PLCL1: variants seen among roughly 807,000 people sequenced by gnomAD.
PLCL1 encodes the protein inactive phospholipase C-like protein 1.
Under a neutral mutation model 84.4 loss-of-function variants are expected in PLCL1, and 41 were observed. The ratio of observed to expected loss-of-function variants is 0.49; its 90% CI spans 0.38 to 0.63. The LOEUF (loss-of-function observed/expected upper bound fraction) is 0.63, where lower values mean the gene tolerates loss of function less well. PLCL1 is among the 30% of genes least tolerant of loss of function. The pLI, the probability that PLCL1 is intolerant of heterozygous loss-of-function variation, is 0.00. For synonymous variants in PLCL1, 490 were observed against 488.3 expected, an observed-to-expected ratio of 1.00 and a Z score of -0.05; for missense variants, 1,206 against 1,367.8, an observed-to-expected ratio of 0.88 and a Z score of 1.87.
chr2:198,001,289 T>A lies in PLCL1; in HGVS notation c.241-82469T>A, dbSNP rs77349013. Among the ~76,000 whole-genome samples the A allele has an allele frequency of 4.8e-3, 727 of 152,252 alleles. 6 individuals carry two copies. The highest frequency in any genetic ancestry group is 0.017 in the African/African-American group (701 of 41,536). ...GCTGTCACATCACTTATTGAGGGAT[T>A]TTTTTTGTTTGCTTAGTTATTTCAA... On this transcript the variant is annotated intron_variant, in intron 1 of 5. Coordinates refer to ENST00000428675, the MANE Select transcript of PLCL1 (RefSeq NM_006226.4).
chr2:197,870,065 A>G (rs951539815), intron 1 of PLCL1, among the ~76,000 whole-genome samples: 2 of 152,134 alleles, frequency 1.3e-5, no homozygotes, highest in African/African-American at 4.8e-5. Context: ...AGCATCATGG[A>G]GTTTTTGTTT....
At chr2:197,833,488 C>A (rs1000109399) in intron 1 of PLCL1, among the ~76,000 whole-genome samples, 2 of 152,158 alleles carry the variant, frequency 1.3e-5, no homozygotes, top group Non-Finnish European at 2.9e-5. Flanking sequence ...TCTACGGATA[C>A]AAAATCAATG....
chr2:198,104,629 A>T (rs1252412175), intron 5 of PLCL1, among the ~76,000 whole-genome samples: 1 of 152,078 alleles, frequency 6.6e-6, no homozygotes, highest in Non-Finnish European at 1.5e-5. Flanking sequence ...TGCTTTCCAC[A>T]TGGCTGAATG....
chr2:198,098,860 C>T (rs1693260964), intron 3 of PLCL1, among the ~76,000 whole-genome samples: 1 of 152,100 alleles, frequency 6.6e-6, no homozygotes, highest in Non-Finnish European at 1.5e-5. Context: ...AGTATCACTG[C>T]CCCCTTCAGT....
At chr2:197,808,650 A>G (rs1276198845) in intron 1 of PLCL1, among the ~76,000 whole-genome samples, 3 of 152,204 alleles carry the variant, frequency 2.0e-5, no homozygotes, top group African/African-American at 4.8e-5. Context: ...GCTTTAGTAC[A>G]TTTTATATTA....
chr2:197,982,944 T>G (rs1362009373), intron 1 of PLCL1, among the ~76,000 whole-genome samples: 1 of 152,182 alleles, frequency 6.6e-6, no homozygotes, highest in Non-Finnish European at 1.5e-5. Context: ...TTATATATTT[T>G]TCTTAGCTAA....
At chr2:197,957,428 C>CT (rs555977777) in intron 1 of PLCL1, among the ~76,000 whole-genome samples, 200 of 152,062 alleles carry the variant, frequency 1.3e-3, no homozygotes, top group African/African-American at 4.3e-3. Context: ...GGTGAAATCT[C>CT]TTTTTTTGTA....
At chr2:197,813,501 T>G (rs921095453) in intron 1 of PLCL1, among the ~76,000 whole-genome samples, 6 of 152,094 alleles carry the variant, frequency 3.9e-5, no homozygotes, top group Non-Finnish European at 7.4e-5. Context: ...AATTAAATAT[T>G]ATATATTTAG....
intron 1 of PLCL1, among the ~76,000 whole-genome samples, chr2:197,970,088 T>C (rs1475985366): frequency 6.6e-6 from 1 of 152,224 alleles, no homozygotes; most frequent in Admixed American, 6.5e-5. Context: ...TTTCTGTTGC[T>C]GTAACGGAAT....
chr2:197,866,671 G>A (rs969063476), intron 1 of PLCL1, among the ~76,000 whole-genome samples: 6 of 152,124 alleles, frequency 3.9e-5, no homozygotes, highest in Non-Finnish European at 1.5e-5. Context: ...CCTCAGATGA[G>A]ATAATTCTGA....
At chr2:198,127,553 G>A (rs1418181102) in intron 5 of PLCL1, among the ~76,000 whole-genome samples, 1 of 152,120 alleles carries the variant, frequency 6.6e-6, no homozygotes, top group Admixed American at 6.6e-5. Flanking sequence ...ACAGTTTCAG[G>A]TTTTGCTAAG....
chr2:197,903,992 G>A (rs1428947883), intron 1 of PLCL1, among the ~76,000 whole-genome samples: 3 of 149,542 alleles, frequency 2.0e-5, no homozygotes, highest in African/African-American at 4.9e-5. Context: ...TAGTAGAGAC[G>A]GTGTTTCACC....
chr2:198,080,529 C>T (rs1252743361), intron 1 of PLCL1, among the ~76,000 whole-genome samples: 2 of 152,154 alleles, frequency 1.3e-5, no homozygotes, highest in Admixed American at 6.6e-5. Flanking sequence ...TTTCCATCTC[C>T]CCTCCTCCCA....
At chr2:198,037,533 T>C (rs923349500) in intron 1 of PLCL1, among the ~76,000 whole-genome samples, 4 of 152,204 alleles carry the variant, frequency 2.6e-5, no homozygotes, top group Non-Finnish European at 5.9e-5. Flanking sequence ...TAGAAAACAT[T>C]GCTTTAGAGA....
intron 1 of PLCL1, among the ~76,000 whole-genome samples, chr2:197,855,341 T>C (rs1687311531): frequency 6.6e-6 from 1 of 152,192 alleles, no homozygotes; most frequent in Non-Finnish European, 1.5e-5. Context: ...AATCCCCACA[T>C]GTGGATTCTG....
rs73984519 is a variant in PLCL1 at position 198,146,768 on chromosome 2, T to A, written c.3106-12T>A. On this transcript the variant is annotated splice_polypyrimidine_tract_variant and intron_variant, in intron 5 of 5. Transcript: ENST00000428675. Reference sequence around the variant, plus strand: ...ACTGTCTTCTTTGATGCCTGTTTTTTTCTGTTTGTAGGGCCAAGGAGATCT... The same window carrying A: ...ACTGTCTTCTTTGATGCCTGTTTTTATCTGTTTGTAGGGCCAAGGAGATCT... 6,324 of 1,604,998 alleles carry A rather than the reference T, an allele frequency of 3.9e-3. 204 individuals are homozygous for A. The African/African-American group carries it at 0.076, about 19-fold the overall frequency.
At chr2:198,032,936 A>T (rs983599904) in intron 1 of PLCL1, among the ~76,000 whole-genome samples, 15 of 152,152 alleles carry the variant, frequency 9.9e-5, no homozygotes, top group Admixed American at 8.5e-4. Flanking sequence ...AATGCTAAGA[A>T]CTGGGACTTG....
rs528330379 is a variant in PLCL1, at chr2:198,072,007, C to T, written c.241-11751C>T. ...TTGTTATTTAAAATGCCTCTTACAA[C>T]TGCATCCATTGAAACTATCCCATTG... On this transcript the variant is annotated intron_variant, in intron 1 of 5. Transcript: ENST00000428675. Among the ~76,000 whole-genome samples the T allele has an allele frequency of 6.6e-5, 10 of 151,976 alleles. No homozygotes were observed. In the South Asian group the frequency reaches 2.1e-3, roughly 31 times the overall value.
chr2:198,070,232 C>A (rs946120317), intron 1 of PLCL1, among the ~76,000 whole-genome samples: 4 of 152,056 alleles, frequency 2.6e-5, no homozygotes, highest in African/African-American at 9.7e-5. Flanking sequence ...AATCCTAATT[C>A]AATATAGCAG....
Sources: allele counts gnomAD v4.1 joint callset (sites outside exome capture counted in the v4.1 genomes callset), GRCh38; gene constraint gnomAD v4.1.1; transcripts MANE v1.5; gene names NCBI Gene and HGNC (gene_info 2026-07-23, HGNC 2026-07-21).